NCAPG2: variants seen among roughly 807,000 people sequenced by gnomAD.
The protein encoded by NCAPG2 is non-SMC condensin II complex subunit G2.
In NCAPG2, 53 loss-of-function variants were observed where a neutral mutation model predicts 141.1. The observed-to-expected ratio is 0.38, with a 90% confidence interval of 0.30 to 0.47. The LOEUF (loss-of-function observed/expected upper bound fraction) is 0.47. Among genes scored for constraint, NCAPG2 ranks in the 20% least tolerant of loss-of-function variants. The pLI is 0.99. For synonymous variants in NCAPG2, 499 were observed against 490.7 expected (o/e 1.02, Z -0.22); for missense variants, 1,087 against 1,389.0 (o/e 0.78, Z 3.46).
chr7:158,658,044 A>T (rs1268353851), intron 17 of NCAPG2, among the ~76,000 whole-genome samples: 7 of 151,850 alleles, frequency 4.6e-5, no homozygotes, highest in Admixed American at 3.9e-4. Context: ...CTGCCTAGGA[A>T]AACCAGAGAC....
At chr7:158,678,228 A>G (rs1834219833) in intron 11 of NCAPG2, among the ~76,000 whole-genome samples, 3 of 152,138 alleles carry the variant, frequency 2.0e-5, no homozygotes, top group Non-Finnish European at 4.4e-5. Flanking sequence ...GCTCTTACTT[A>G]TTTATCAGAT....
chr7:158,650,894 G>A lies in NCAPG2; in HGVS notation c.3013C>T (p.Arg1005Trp), dbSNP rs1489146237. The change falls in exon 24 of 28, where the codon CGG becomes TGG. Residue 1005 changes from arginine (R) to tryptophan (W), a missense_variant. Physicochemically the swap from Arg to Trp is moderately radical, Grantham distance 101. Transcript: ENST00000356309. ...GCGATCAGAGTAGAAAGTACACCCC[G>A]GTGCACAGGGGTGTCTGTGTGCCGA... ...QSRHTDTPVH[R>W]GVLSTLIAGP... The A allele has an allele frequency of 3.7e-6, 6 of 1,613,180 alleles. No individual in the cohort carries two copies. The highest frequency in any genetic ancestry group is 1.1e-5 in the South Asian group (1 of 91,024).
intron 16 of NCAPG2, among the ~76,000 whole-genome samples, chr7:158,660,416 TTTTTTTTTTTTTTA>T (rs527949431): frequency 0.17 from 23,937 of 141,134 alleles, 2,498 homozygotes; most frequent in Middle Eastern, 0.22. Flanking sequence ...TTTTTTTTTT[TTTTTTTTTTTTTTA>T]AAAGAGGCAG....
At chr7:158,690,018 G>A in intron 5 of NCAPG2, 65 bp from the exon 6 acceptor site, 1 of 1,245,560 alleles carries the variant, frequency 8.0e-7, no homozygotes. Context: ...TTCAAATCAA[G>A]TATATTTTAT....
intron 27 of NCAPG2, among the ~76,000 whole-genome samples, chr7:158,643,173 A>G (rs1298038503): frequency 1.3e-5 from 2 of 152,196 alleles, no homozygotes; most frequent in African/African-American, 4.8e-5. Flanking sequence ...CATGTTGGCC[A>G]GGCTGGTCTT....
rs370259832 is a variant in NCAPG2 at position 158,658,286 on chromosome 7, A to G, written c.2060+52T>C. On this transcript the variant is annotated intron_variant, in intron 17 of 27. Transcript: ENST00000356309. ...TGACATGAATTAATAATTCAGCACA[A>G]CAATGGACAGGATTCCTACTTTTCT... 32 of 1,505,250 alleles carry G rather than the reference A, an allele frequency of 2.1e-5. No individual in the cohort carries two copies. The African/African-American group carries it at 4.2e-4, about 20-fold the overall frequency. The allele number at this position is 1,505,250 out of a possible 1,614,324, so 93.2% of individuals were successfully genotyped here.
Position 158,689,906 on chromosome 7 carries a change from G to C in NCAPG2, c.585C>G (p.Cys195Trp), listed in dbSNP as rs1835015188. 6.2e-7 allele frequency: 1 copy of C among 1,605,092 alleles called. No homozygotes were observed. The highest frequency in any genetic ancestry group is 1.3e-5 in the African/African-American group (1 of 74,620). The change falls in exon 6 of 28, where the codon TGC becomes TGG. Residue 195 changes from cysteine (C) to tryptophan (W), a missense_variant. Transcript: ENST00000356309. ...RLWRIHQALY[C>W]FDYDLEESGE... ...CACTTTCCTCCAAATCATAATCAAA[G>C]CAATATAAAGCTTGATGGATACGCC... is the stretch of plus-strand genomic sequence containing the variant.
intron 13 of NCAPG2, chr7:158,668,580 G>T: frequency 2.8e-6 from 1 of 357,142 alleles, no homozygotes; most frequent in Non-Finnish European, 3.9e-6. Context: ...GATAAAACAA[G>T]ATCGGACATA....
chr7:158,644,861 T>G (rs182636423), intron 26 of NCAPG2, among the ~76,000 whole-genome samples: 1 of 152,180 alleles, frequency 6.6e-6, no homozygotes, highest in African/African-American at 2.4e-5. Flanking sequence ...TCTGCAGATA[T>G]CCTATCCATT....
chr7:158,660,826 G>C (rs887271174), intron 16 of NCAPG2, among the ~76,000 whole-genome samples: 1 of 152,152 alleles, frequency 6.6e-6, no homozygotes, highest in Non-Finnish European at 1.5e-5. Flanking sequence ...GGACACGGTG[G>C]TAGGTAACTG....
chr7:158,654,587 G>A lies in NCAPG2; in HGVS notation c.2746+8C>T. 1 of 1,613,306 alleles carries A rather than the reference G, an allele frequency of 6.2e-7. No individual in the cohort carries two copies. The highest frequency in any genetic ancestry group is 1.1e-5 in the South Asian group (1 of 90,932). On this transcript the variant is annotated splice_region_variant and intron_variant, in intron 22 of 27. Transcript: ENST00000356309. Reference sequence around the variant, plus strand: ...GTATTTATTGCTCTAAAACAGCCCTGACTGTACCTGTTTGCATGATTCCAA... The same window carrying A: ...GTATTTATTGCTCTAAAACAGCCCTAACTGTACCTGTTTGCATGATTCCAA...
chr7:158,686,055 T>C, intron 8 of NCAPG2, 117 bp downstream of exon 8: 1 of 586,238 alleles, frequency 1.7e-6, no homozygotes, highest in South Asian at 2.4e-5. Flanking sequence ...TTTCATTATT[T>C]GGCTTTATTT....
At chr7:158,664,817 G>A (rs1024156875) in intron 13 of NCAPG2, 67 bp from the exon 14 acceptor site, 16 of 1,384,666 alleles carry the variant, frequency 1.2e-5, no homozygotes, top group African/African-American at 1.5e-5. Flanking sequence ...AACAGCTTAA[G>A]AAAAATTTCA....
chr7:158,671,099 G>C (rs985035916), intron 13 of NCAPG2, among the ~76,000 whole-genome samples: 1 of 130,872 alleles, frequency 7.6e-6, no homozygotes, highest in Non-Finnish European at 1.6e-5. Flanking sequence ...GGGTGGGGGT[G>C]GGGGGTGGCT....
At chr7:158,690,533 G>A in intron 5 of NCAPG2, 35 bp downstream of exon 5, 1 of 1,592,590 alleles carries the variant, frequency 6.3e-7, no homozygotes. Flanking sequence ...AATAGAGAGA[G>A]ACCCTGTCTT....
At position 158,631,586 on chromosome 7, in the gene NCAPG2, A is replaced by G. The variant is rs1379837138; in HGVS notation, c.*80T>C. 5.8e-5 allele frequency: 77 copies of G among 1,320,418 alleles called. No homozygotes were observed. Among genetic ancestry groups the G allele is most frequent in the Non-Finnish European group, 1.1e-6 (1 of 920,326 alleles). The allele number at this position is 1,320,418 out of a possible 1,614,324, so 81.8% of individuals were successfully genotyped here. ...CCCTATTATATGGGTTATTAACATT[A>G]AAAACAATAGGAAAATACACAGGCA... On this transcript the variant is annotated 3_prime_UTR_variant, in exon 28 of 28. Coordinates refer to ENST00000356309, the MANE Select transcript of NCAPG2 (RefSeq NM_017760.7).
At chr7:158,679,794 G>A (rs1315157094) in intron 11 of NCAPG2, among the ~76,000 whole-genome samples, 166 bp downstream of exon 11, 1 of 152,200 alleles carries the variant, frequency 6.6e-6, no homozygotes, top group Non-Finnish European at 1.5e-5. Flanking sequence ...GAAGGCCCCA[G>A]GGAGAAGTGG....
At chr7:158,674,205 G>A (rs764706354) in intron 12 of NCAPG2, among the ~76,000 whole-genome samples, 25 of 152,040 alleles carry the variant, frequency 1.6e-4, no homozygotes, top group Non-Finnish European at 2.4e-4. Flanking sequence ...CCTCTGCCTC[G>A]GATGGAGATG....
At chr7:158,639,054 A>C (rs1157521289) in intron 27 of NCAPG2, among the ~76,000 whole-genome samples, 1 of 152,240 alleles carries the variant, frequency 6.6e-6, no homozygotes, top group Non-Finnish European at 1.5e-5. Flanking sequence ...GATACCTTCA[A>C]ACAGGGAGAG....
Sources: allele counts gnomAD v4.1 joint callset (sites outside exome capture counted in the v4.1 genomes callset), GRCh38; gene constraint gnomAD v4.1.1; transcripts MANE v1.5; gene names NCBI Gene and HGNC (gene_info 2026-07-23, HGNC 2026-07-21).